GRIN2A: variants seen among roughly 807,000 people sequenced by gnomAD.
The protein encoded by GRIN2A is glutamate ionotropic receptor NMDA type subunit 2A.
In GRIN2A, 22 loss-of-function variants were observed where a neutral mutation model predicts 113.4. That is an observed-to-expected ratio of 0.19 (90% confidence interval 0.14 to 0.28). GRIN2A has a LOEUF of 0.28. Ranked by LOEUF, GRIN2A falls within the 10% of genes least tolerant of loss-of-function variation. GRIN2A has a pLI of 1.00. For synonymous variants in GRIN2A, 827 were observed against 738.4 expected (o/e 1.12, Z -1.94); for missense variants, 1,502 against 1,887.0 (o/e 0.80, Z 3.78).
At position 10,052,774 on chromosome 16, in the gene GRIN2A, A is replaced by G. The variant is rs187163774; in HGVS notation, c.415-114223T>C. 2.6e-5 allele frequency among the ~76,000 whole-genome samples: 4 copies of G among 152,286 alleles called. No homozygotes were observed. The East Asian group carries it at 5.8e-4, about 22-fold the overall frequency. On this transcript the variant is annotated intron_variant, in intron 2 of 12. Coordinates refer to ENST00000330684, the MANE Select transcript of GRIN2A (RefSeq NM_001134407.3). ...TAGAATACAGAGAGTGAGGCCAGGCATGGTGGCTTACACCTGTAATCCCAG... is the reference window on the plus strand; with the variant it reads ...TAGAATACAGAGAGTGAGGCCAGGCGTGGTGGCTTACACCTGTAATCCCAG...
intron 3 of GRIN2A, among the ~76,000 whole-genome samples, chr16:9,892,526 G>C (rs894022397): frequency 3.3e-5 from 5 of 151,510 alleles, no homozygotes; most frequent in African/African-American, 1.2e-4. Flanking sequence ...TGAGGGGAAG[G>C]GAGAAAGAGG....
At chr16:10,055,112 G>GAAA (rs75759716) in intron 2 of GRIN2A, among the ~76,000 whole-genome samples, 1 of 67,364 alleles carries the variant, frequency 1.5e-5, no homozygotes, top group African/African-American at 5.2e-5. Flanking sequence ...AAAGAAAAAA[G>GAAA]AAAAAAAAAA....
intron 2 of GRIN2A, among the ~76,000 whole-genome samples, chr16:10,095,651 G>C (rs1025672714): frequency 1.3e-5 from 2 of 152,180 alleles, no homozygotes; most frequent in Admixed American, 6.5e-5. Flanking sequence ...CGTCTTCCTA[G>C]TGCAGGTTTC....
At chr16:10,085,122 T>A (rs2048061669) in intron 2 of GRIN2A, among the ~76,000 whole-genome samples, 1 of 151,982 alleles carries the variant, frequency 6.6e-6, no homozygotes, top group Admixed American at 6.6e-5. Context: ...AGCCAGTGAG[T>A]TACAGAGTAA....
At chr16:10,093,299 TAGCTCCAAAAGGAGC>T (rs1289625362) in intron 2 of GRIN2A, among the ~76,000 whole-genome samples, 1 of 152,182 alleles carries the variant, frequency 6.6e-6, no homozygotes, top group Non-Finnish European at 1.5e-5. Flanking sequence ...TTATCTTGCC[TAGCTCCAAAAGGAGC>T]AGCCTCTGTC....
intron 2 of GRIN2A, among the ~76,000 whole-genome samples, chr16:10,103,268 A>ATCACT (rs1456139760): frequency 1.3e-5 from 2 of 152,198 alleles, no homozygotes; most frequent in Non-Finnish European, 2.9e-5. Flanking sequence ...GATGTATCAC[A>ATCACT]GCCTCTGAAT....
At chr16:10,117,614 C>T (rs574047742) in intron 2 of GRIN2A, among the ~76,000 whole-genome samples, 4 of 152,182 alleles carry the variant, frequency 2.6e-5, no homozygotes, top group Non-Finnish European at 5.9e-5. Context: ...CATCCCCGAA[C>T]TGTTCACAGG....
At chr16:10,119,742 G>A (rs1049795166) in intron 2 of GRIN2A, among the ~76,000 whole-genome samples, 9 of 152,014 alleles carry the variant, frequency 5.9e-5, no homozygotes, top group South Asian at 2.1e-4. Context: ...CCCACCCTCC[G>A]CCCTCGATTA....
At chr16:9,841,451 A>G (rs1246204143) in intron 5 of GRIN2A, among the ~76,000 whole-genome samples, 3 of 152,242 alleles carry the variant, frequency 2.0e-5, no homozygotes, top group African/African-American at 7.2e-5. Flanking sequence ...TAAATTTTTA[A>G]GAGTTTATAA....
chr16:9,924,154 G>A (rs994971009), intron 3 of GRIN2A, among the ~76,000 whole-genome samples: 10 of 149,370 alleles, frequency 6.7e-5, no homozygotes, highest in African/African-American at 1.5e-4. Flanking sequence ...AACCTCATGC[G>A]TTTAACAATC....
chr16:10,032,792 T>TAC (rs1272663553), intron 2 of GRIN2A, among the ~76,000 whole-genome samples: 1 of 152,210 alleles, frequency 6.6e-6, no homozygotes, highest in Non-Finnish European at 1.5e-5. Flanking sequence ...CAGAGAGCTT[T>TAC]CATCATAGCT....
chr16:9,947,718 C>A (rs1327217122), intron 2 of GRIN2A, among the ~76,000 whole-genome samples: 1 of 152,152 alleles, frequency 6.6e-6, no homozygotes, highest in South Asian at 2.1e-4. Flanking sequence ...CAAATTTCAG[C>A]TCTTTCTCTT....
chr16:9,904,016 A>G (rs1413325244), intron 3 of GRIN2A, among the ~76,000 whole-genome samples: 2 of 152,320 alleles, frequency 1.3e-5, no homozygotes, highest in Non-Finnish European at 2.9e-5. Flanking sequence ...TTGCAGAGAG[A>G]GTGGATTTAG....
chr16:10,066,164 G>A (rs772349448), intron 2 of GRIN2A, among the ~76,000 whole-genome samples: 19 of 152,152 alleles, frequency 1.2e-4, no homozygotes, highest in African/African-American at 3.6e-4. Flanking sequence ...CATATCCCCC[G>A]GTGTTGGAGT....
chr16:10,012,296 AG>A lies in GRIN2A; in HGVS notation c.415-73746del, dbSNP rs371190866. 7.9e-5 allele frequency among the ~76,000 whole-genome samples: 12 copies of A among 152,352 alleles called. No homozygotes were observed. In the East Asian group the frequency reaches 1.2e-3, roughly 15 times the overall value. On this transcript the variant is annotated intron_variant, in intron 2 of 12. Transcript: ENST00000330684. ...CAAACAATAAAAGCATCACTTTTAA[AG>A]AACTTAAAGTTCCTTCTCACACCTT...
At chr16:9,839,005 T>C (rs957607779) in intron 7 of GRIN2A, among the ~76,000 whole-genome samples, 1 of 152,186 alleles carries the variant, frequency 6.6e-6, no homozygotes, top group Non-Finnish European at 1.5e-5. Flanking sequence ...CACCACTATA[T>C]AATTCGTCCA....
At position 9,763,233 on chromosome 16, in the gene GRIN2A, ATTATTC is replaced by A; in HGVS notation, c.4305_4310del (p.Lys1435_Asn1436del). On this transcript the variant is annotated inframe_deletion, in exon 13 of 13. Transcript: ENST00000330684. ...TTAAAACCCTGGGGGTAGAGTACAT[ATTATTC>A]TTATTTGCAGCATAAGGCATAACAT... 1 of 1,614,014 alleles carries A rather than the reference ATTATTC, an allele frequency of 6.2e-7. No homozygotes were observed. Among genetic ancestry groups the A allele is most frequent in the Non-Finnish European group, 8.5e-7 (1 of 1,179,906 alleles).
intron 3 of GRIN2A, among the ~76,000 whole-genome samples, chr16:9,931,384 C>G (rs2044591262): frequency 6.6e-6 from 1 of 152,126 alleles, no homozygotes; most frequent in African/African-American, 2.4e-5. Flanking sequence ...AAAATGCCTT[C>G]TCCATGCCTG....
At chr16:10,013,449 T>A (rs1357429879) in intron 2 of GRIN2A, among the ~76,000 whole-genome samples, 2 of 152,174 alleles carry the variant, frequency 1.3e-5, no homozygotes, top group Non-Finnish European at 2.9e-5. Context: ...ACAGCTAATT[T>A]CTCTCTCCCT....
Sources: gnomAD v4.1 joint callset for allele counts (sites outside exome capture counted in the v4.1 genomes callset) on GRCh38, gnomAD v4.1.1 for gene constraint, MANE v1.5 for transcripts, NCBI Gene and HGNC (gene_info 2026-07-23, HGNC 2026-07-21) for gene names.